Variants in USP9X observed in about 807,000 individuals in gnomAD.
USP9X encodes ubiquitin specific peptidase 9 X-linked, also known as ubiquitin carboxyl-terminal hydrolase 9X.
In USP9X, 7 loss-of-function variants were observed where a neutral mutation model predicts 190.3. That is an observed-to-expected ratio of 0.04 (90% CI 0.02 to 0.07). USP9X has a LOEUF of 0.07. Among genes scored for constraint, USP9X ranks in the 10% least tolerant of loss-of-function variants. The probability of loss-of-function intolerance (pLI) is 1.00; values close to 1 mark genes in which losing one functional copy is unlikely to be tolerated. For synonymous variants in USP9X, 645 were observed against 659.5 expected (o/e 0.98, Z 0.34); for missense variants, 1,010 against 1,916.9 (o/e 0.53, Z 8.83).
At chrX:41,228,553 A>G (rs1186936371) in intron 41 of USP9X, among the ~76,000 whole-genome samples, 2 of 112,304 alleles carry the variant, frequency 1.8e-5, no homozygotes, top group Non-Finnish European at 3.8e-5. Context: ...ACTTGCCTTC[A>G]GAGATGCAGT....
At chrX:41,101,071 G>A (rs1344659506) in intron 1 of USP9X, among the ~76,000 whole-genome samples, 2 of 111,434 alleles carry the variant, frequency 1.8e-5, no homozygotes, top group Non-Finnish European at 3.8e-5. Context: ...TGGGGAGAAG[G>A]TACCACATAC....
chrX:41,227,462 T>A (rs1008151053), intron 41 of USP9X, among the ~76,000 whole-genome samples: 2 of 112,190 alleles, frequency 1.8e-5, no homozygotes, highest in Non-Finnish European at 3.8e-5. Context: ...GTTGAAGTAA[T>A]CTGTTTTGTT....
intron 31 of USP9X, among the ~76,000 whole-genome samples, chrX:41,204,820 C>T (rs1048309943): frequency 9.0e-6 from 1 of 111,613 alleles, no homozygotes; most frequent in Non-Finnish European, 1.9e-5. Flanking sequence ...GACAAAATAC[C>T]TAATGATGCA....
intron 23 of USP9X, among the ~76,000 whole-genome samples, chrX:41,186,191 G>T (rs1011894888): frequency 3.6e-5 from 4 of 110,837 alleles, no homozygotes; most frequent in African/African-American, 1.3e-4. Context: ...GTACATAAAA[G>T]ATGTACAATA....
chrX:41,162,071 A>G (rs1011962031), intron 14 of USP9X, among the ~76,000 whole-genome samples: 1 of 111,798 alleles, frequency 8.9e-6, no homozygotes, highest in South Asian at 3.7e-4. Context: ...AAAACCAAAT[A>G]TGTTTCCAGA....
At chrX:41,138,365 T>G (rs912926606) in intron 6 of USP9X, among the ~76,000 whole-genome samples, 67 of 112,222 alleles carry the variant, frequency 6.0e-4, no homozygotes, top group African/African-American at 1.9e-3. Flanking sequence ...AAAGTGGTAG[T>G]GGCAAAATTC....
intron 1 of USP9X, among the ~76,000 whole-genome samples, chrX:41,113,903 G>GT (rs1424438370): frequency 8.9e-6 from 1 of 112,617 alleles, no homozygotes; most frequent in Admixed American, 9.4e-5. Context: ...GCACACAAAC[G>GT]TTTTTATAGA....
At position 41,129,047 on chromosome X, in the gene USP9X, A is replaced by C. The variant is rs1462991551; in HGVS notation, c.144A>C (p.Pro48=). 3 of 1,209,410 alleles carry C rather than the reference A, an allele frequency of 2.5e-6. No homozygotes were observed. The highest frequency in any genetic ancestry group is 2.2e-6 in the Non-Finnish European group (2 of 894,878). ...SSNENSPATP[P]DEQGQGDAPP... is the part of the protein sequence containing the mutation. ...ATGAAAATTCCCCGGCAACTCCCCC[A>C]GATGAGCAAGGTCAAGGTGATGCCC... The change falls in exon 3 of 45, where the codon CCA becomes CCC. Residue 48 remains proline (P), a synonymous_variant. Transcript: ENST00000378308.
chrX:41,089,903 GTTTTTTT>G (rs139093155), intron 1 of USP9X, among the ~76,000 whole-genome samples: 2 of 30,326 alleles, frequency 6.6e-5, no homozygotes, highest in Admixed American at 5.8e-4. Context: ...ATCTATGAGG[GTTTTTTT>G]TTTTTTTTTT....
Position 41,197,354 on chromosome X carries a change from C to CCCA in USP9X, c.4234-9_4234-8insCAC. On this transcript the variant is annotated splice_polypyrimidine_tract_variant and intron_variant, in intron 28 of 44. Transcript: ENST00000378308. The stretch of plus-strand genomic sequence containing the variant: ...CTTCCCCCCCCCACCCCACCCCCCG[C>CCCA]CTTTGGCAGGATGATGTTAAAAGAA... The CCCA allele has an allele frequency of 2.1e-6, 2 of 967,521 alleles. No individual in the cohort carries two copies. The highest frequency in any genetic ancestry group is 2.7e-6 in the Non-Finnish European group (2 of 748,885). 79.7% of individuals were successfully genotyped at this position (967,521 alleles called of 1,213,427 possible).
chrX:41,109,886 T>C (rs2062096446), intron 1 of USP9X, among the ~76,000 whole-genome samples: 1 of 111,529 alleles, frequency 9.0e-6, no homozygotes, highest in African/African-American at 3.3e-5. Flanking sequence ...GCAGTGCTGG[T>C]GGAACTAGGA....
At chrX:41,119,615 T>C (rs1178139290) in intron 1 of USP9X, among the ~76,000 whole-genome samples, 1 of 111,566 alleles carries the variant, frequency 9.0e-6, no homozygotes, top group Non-Finnish European at 1.9e-5. Context: ...AGATTTGAAG[T>C]AGACAAGAAT....
chrX:41,173,827 G>A (rs530263370), intron 21 of USP9X, among the ~76,000 whole-genome samples: 24 of 111,990 alleles, frequency 2.1e-4, no homozygotes, highest in African/African-American at 7.1e-4. Context: ...CACATGCTGA[G>A]TACTGTGTTG....
At chrX:41,211,700 G>A (rs781386708) in intron 33 of USP9X, among the ~76,000 whole-genome samples, 193 of 105,480 alleles carry the variant, frequency 1.8e-3, no homozygotes, top group African/African-American at 6.4e-3. Flanking sequence ...CGCCCCGTCC[G>A]GGAGGGAGGT....
chrX:41,154,801 C>A (rs1308747936), intron 14 of USP9X, among the ~76,000 whole-genome samples: 1 of 111,305 alleles, frequency 9.0e-6, no homozygotes, highest in African/African-American at 3.3e-5. Flanking sequence ...TAACATCATA[C>A]CTTTTTTTCC....
intron 3 of USP9X, among the ~76,000 whole-genome samples, chrX:41,130,372 G>GTAATAAAATACTTC (rs2062298258): frequency 9.0e-6 from 1 of 110,759 alleles, no homozygotes; most frequent in Non-Finnish European, 1.9e-5. Context: ...TTGTCTGGTG[G>GTAATAAAATACTTC]TTGGTGATTG....
chrX:41,184,057 A>C lies in USP9X; in HGVS notation c.3208A>C (p.Ser1070Arg). 1 of 1,210,811 alleles carries C rather than the reference A, an allele frequency of 8.3e-7. No homozygotes were observed. Among genetic ancestry groups the C allele is most frequent in the Non-Finnish European group, 1.1e-6 (1 of 894,961 alleles). ...TTTAGACCATGCCAAACTTGGAGAA[A>C]GCAGCCTTAGTCCATCTCTTGACTC... ...ICLDHAKLGE[S>R]SLSPSLDSLF... Residue 1070 changes from serine (S) to arginine (R), a missense_variant, in exon 22 of 45, where the codon AGC (serine) becomes CGC (arginine). Coordinates refer to ENST00000378308, the MANE Select transcript of USP9X (RefSeq NM_001039591.3).
intron 4 of USP9X, among the ~76,000 whole-genome samples, chrX:41,134,150 C>G (rs1272038005): frequency 1.8e-5 from 2 of 112,097 alleles, no homozygotes; most frequent in African/African-American, 6.5e-5. Context: ...ATTACCATCT[C>G]TTTTGTACTA....
chrX:41,216,023 C>T lies in USP9X; in HGVS notation c.5456C>T (p.Pro1819Leu). ...AIKFNDYFEF[P>L]RELDMEPYTV... ...AAGTTCAATGATTATTTTGAATTTCCTCGAGAGCTGGACATGGAACCTTAC... is the reference window on the plus strand; with the variant it reads ...AAGTTCAATGATTATTTTGAATTTCTTCGAGAGCTGGACATGGAACCTTAC... The change falls in exon 35 of 45, where the codon CCT becomes CTT. Residue 1819 changes from proline to leucine, a missense_variant. Around this residue, in one of 11 missense-constraint regions of USP9X, gnomAD observed 120 missense variants for 342.7 expected, o/e 0.35. Transcript: ENST00000378308. 8.3e-7 allele frequency: 1 copy of T among 1,211,500 alleles called. No individual in the cohort carries two copies. Among genetic ancestry groups the T allele is most frequent in the Non-Finnish European group, 1.1e-6 (1 of 895,507 alleles).
Sources: gnomAD v4.1 joint callset for allele counts (sites outside exome capture counted in the v4.1 genomes callset) on GRCh38, gnomAD v4.1.1 for gene constraint, gnomAD v4.1.1 regional missense constraint, MANE v1.5 for transcripts, NCBI Gene and HGNC (gene_info 2026-07-23, HGNC 2026-07-21) for gene names.